DCDC1: variants seen among roughly 807,000 people sequenced by gnomAD.
DCDC1 encodes doublecortin domain-containing protein 1.
Under a neutral mutation model 178.3 loss-of-function variants are expected in DCDC1, and 200 were observed. The observed-to-expected ratio is 1.12, with a 90% CI of 1.00 to 1.26. DCDC1 has a LOEUF of 1.26. Ranked by LOEUF, DCDC1 falls within the 50% of genes most tolerant of loss-of-function variation. The pLI, the probability that DCDC1 is intolerant of heterozygous loss-of-function variation, is 0.00. For synonymous variants in DCDC1, 690 were observed against 604.8 expected (o/e 1.14, Z -2.07); for missense variants, 1,983 against 1,749.2 (o/e 1.13, Z -2.38).
At chr11:30,982,347 G>T (rs952994363) in intron 20 of DCDC1, among the ~76,000 whole-genome samples, 4 of 152,286 alleles carry the variant, frequency 2.6e-5, no homozygotes, top group Middle Eastern at 3.4e-3. Context: ...GCAGCACAAT[G>T]AAATTAAGTT....
chr11:31,118,585 T>TCAAA (rs1960324953), intron 11 of DCDC1, among the ~76,000 whole-genome samples: 3 of 152,104 alleles, frequency 2.0e-5, no homozygotes, highest in Admixed American at 2.0e-4. Flanking sequence ...CTTGAACATA[T>TCAAA]CAAACACTCC....
At chr11:31,211,626 G>T (rs771166361) in intron 9 of DCDC1, among the ~76,000 whole-genome samples, 4 of 152,114 alleles carry the variant, frequency 2.6e-5, no homozygotes, top group Admixed American at 6.6e-5. Context: ...ATCATTTTCA[G>T]TATTTTTAAG....
intron 20 of DCDC1, among the ~76,000 whole-genome samples, chr11:31,005,972 A>AC (rs1286031428): frequency 7.1e-6 from 1 of 140,520 alleles, no homozygotes; most frequent in Non-Finnish European, 1.5e-5. Context: ...AAAAAAAAAA[A>AC]AAAAAACTTT....
chr11:31,259,532 T>A lies in DCDC1; in HGVS notation c.1054+5975A>T, dbSNP rs115224602. ...AATACTATAATTCCTATCTTATAGA[T>A]AAGGAAACTGACTCTCAGAGAAGCT... On this transcript the variant is annotated intron_variant, in intron 8 of 38. Coordinates refer to ENST00000684477, the MANE Select transcript of DCDC1 (RefSeq NM_001387274.1). 4.2e-3 allele frequency among the ~76,000 whole-genome samples: 632 copies of A among 152,284 alleles called. 3 individuals carry two copies. The highest frequency in any genetic ancestry group is 0.015 in the African/African-American group (611 of 41,546).
At chr11:31,220,698 C>A (rs1190351423) in intron 9 of DCDC1, among the ~76,000 whole-genome samples, 1 of 152,154 alleles carries the variant, frequency 6.6e-6, no homozygotes. Flanking sequence ...TTTGAATGTG[C>A]AAAGTACCAT....
chr11:31,096,571 C>T (rs1410828267), intron 15 of DCDC1, among the ~76,000 whole-genome samples: 1 of 152,106 alleles, frequency 6.6e-6, no homozygotes, highest in African/African-American at 2.4e-5. Context: ...TTTGTCTCTG[C>T]CTTGGGCTGG....
chr11:31,059,968 C>T (rs1051046488), intron 20 of DCDC1, among the ~76,000 whole-genome samples: 2 of 151,934 alleles, frequency 1.3e-5, no homozygotes, highest in Non-Finnish European at 2.9e-5. Context: ...ATTTGCCTTT[C>T]TTTGAAAAGC....
intron 1 of DCDC1, among the ~76,000 whole-genome samples, chr11:31,361,940 A>T (rs1333497375): frequency 6.6e-6 from 1 of 152,358 alleles, no homozygotes; most frequent in East Asian, 1.9e-4. Flanking sequence ...CTAGAAAAAC[A>T]GGATATATTG....
At chr11:30,941,914 G>GT (rs1379460054) in intron 21 of DCDC1, among the ~76,000 whole-genome samples, 1 of 152,104 alleles carries the variant, frequency 6.6e-6, no homozygotes, top group African/African-American at 2.4e-5. Flanking sequence ...CAGTTTAAAT[G>GT]TTTTTTCCTT....
At chr11:31,191,584 T>C (rs1463592833) in intron 9 of DCDC1, among the ~76,000 whole-genome samples, 2 of 152,030 alleles carry the variant, frequency 1.3e-5, no homozygotes, top group East Asian at 1.9e-4. Flanking sequence ...GGATAGACTA[T>C]AGGTGTTAAT....
At chr11:31,115,044 A>T (rs1959669050) in intron 11 of DCDC1, among the ~76,000 whole-genome samples, 1 of 152,182 alleles carries the variant, frequency 6.6e-6, no homozygotes, top group African/African-American at 2.4e-5. Flanking sequence ...GCATTTATGG[A>T]TGTAAATAAA....
At chr11:31,208,714 G>A (rs961334227) in intron 9 of DCDC1, among the ~76,000 whole-genome samples, 1 of 151,990 alleles carries the variant, frequency 6.6e-6, no homozygotes, top group East Asian at 1.9e-4. Flanking sequence ...TTATTCCTCT[G>A]CTCCTCAAAT....
At chr11:31,087,325 C>A (rs1164774136) in intron 17 of DCDC1, among the ~76,000 whole-genome samples, 1 of 151,698 alleles carries the variant, frequency 6.6e-6, no homozygotes, top group East Asian at 1.9e-4. Flanking sequence ...CTTTTAATTT[C>A]ATTGGTTTTC....
chr11:31,368,396 G>A (rs1196445446), intron 1 of DCDC1, among the ~76,000 whole-genome samples: 1 of 152,162 alleles, frequency 6.6e-6, no homozygotes, highest in African/African-American at 2.4e-5. Flanking sequence ...GGCTAGAGAT[G>A]TTCAAGGTGG....
At chr11:30,981,433 T>A (rs1950389521) in intron 20 of DCDC1, among the ~76,000 whole-genome samples, 1 of 152,296 alleles carries the variant, frequency 6.6e-6, no homozygotes, top group African/African-American at 2.4e-5. Flanking sequence ...TGGCTCACAG[T>A]CAGCACTCTG....
chr11:30,878,348 G>A (rs1165937246), intron 38 of DCDC1, among the ~76,000 whole-genome samples, 196 bp downstream of exon 38: 1 of 152,060 alleles, frequency 6.6e-6, no homozygotes, highest in Non-Finnish European at 1.5e-5. Context: ...ATTTACTTGG[G>A]AGGCTGAGAT....
In DCDC1 at chr11:31,219,400, C is replaced by T. The variant is rs566339073; in HGVS notation, c.1221+22050G>A. On this transcript the variant is annotated intron_variant, in intron 9 of 38. Transcript: ENST00000684477. ...CTCTAGAGCATTTTCAATAAACTAG[C>T]CCCCTGGTCCTGCCCAGGTCTGCTG... is the stretch of plus-strand genomic sequence containing the variant. Among the ~76,000 whole-genome samples the T allele has an allele frequency of 5.3e-5, 8 of 152,112 alleles. No homozygotes were observed. In the South Asian group the frequency reaches 1.5e-3, roughly 28 times the overall value.
At chr11:31,127,407 C>T (rs56221013) in intron 11 of DCDC1, 62 bp downstream of exon 11, 1 of 624,250 alleles carries the variant, frequency 1.6e-6, no homozygotes. Flanking sequence ...TAAGTGTTTT[C>T]AAATGGAGCA....
At chr11:31,355,285 C>G (rs1951280144) in intron 1 of DCDC1, among the ~76,000 whole-genome samples, 1 of 152,120 alleles carries the variant, frequency 6.6e-6, no homozygotes, top group Non-Finnish European at 1.5e-5. Context: ...ATGAGACCAG[C>G]TGGCTGACTA....
Sources: allele counts gnomAD v4.1 joint callset (sites outside exome capture counted in the v4.1 genomes callset), GRCh38; gene constraint gnomAD v4.1.1; transcripts MANE v1.5; gene names NCBI Gene and HGNC (gene_info 2026-07-23, HGNC 2026-07-21).